Variants in TMPRSS6 observed in about 807,000 individuals in gnomAD.
TMPRSS6 encodes transmembrane serine protease 6, also known as transmembrane protease serine 6.
TMPRSS6 carries 67 observed loss-of-function variants against 101.5 expected under a neutral mutation model. The observed-to-expected ratio is 0.66, with a 90% CI of 0.54 to 0.81. The LOEUF is 0.81. TMPRSS6 is among the 30% of genes least tolerant of loss of function. The probability of loss-of-function intolerance (pLI) is 0.00; values close to 1 mark genes in which losing one functional copy is unlikely to be tolerated. For synonymous variants in TMPRSS6, 453 were observed against 464.9 expected (o/e 0.97, Z 0.33); for missense variants, 1,034 against 1,088.7 (o/e 0.95, Z 0.71).
At chr22:37,096,314 C>T (rs930151341) in intron 4 of TMPRSS6, among the ~76,000 whole-genome samples, 3 of 152,188 alleles carry the variant, frequency 2.0e-5, no homozygotes, top group Admixed American at 6.5e-5. Context: ...TAAACTATGC[C>T]GCAAGTAGCA....
chr22:37,106,624 C>T (rs969875118), intron 1 of TMPRSS6, among the ~76,000 whole-genome samples: 1 of 152,204 alleles, frequency 6.6e-6, no homozygotes, highest in Non-Finnish European at 1.5e-5. Flanking sequence ...GGTCCCCTGC[C>T]TCCATTGCGT....
chr22:37,069,084 AAG>A lies in TMPRSS6; in HGVS notation c.2100_2101del (p.Leu701AlafsTer51), dbSNP rs1926610884. 5 of 1,544,506 alleles carry A rather than the reference AAG, an allele frequency of 3.2e-6. No homozygotes were observed. The East Asian group carries it at 1.2e-4, about 38-fold the overall frequency. On this transcript the variant is annotated frameshift_variant, in exon 16 of 18. Transcript: ENST00000676104. LOFTEE classifies it high-confidence loss of function. This position sits in a 1 kb window ranked among gnomAD's most constrained non-coding sequence, Gnocchi z 4.8. ...TCCCCGCTGCTCACCGCCCTCGCGC[AAG>A]GCGCCCCAGCCCGTAATCCAGCAGT...
At position 37,073,650 on chromosome 22, in the gene TMPRSS6, G is replaced by A. The variant is rs199783566; in HGVS notation, c.1442-5C>T. The stretch of plus-strand genomic sequence containing the variant: ...ACTGGAATGTGGCTCTGCAAACTGT[G>A]TGGGGACACAGAGAGGGGACAGGTG... On this transcript the variant is annotated splice_polypyrimidine_tract_variant and splice_region_variant and intron_variant, in intron 12 of 17. Coordinates refer to ENST00000676104, the MANE Select transcript of TMPRSS6 (RefSeq NM_001374504.1). 2.0e-4 allele frequency: 326 copies of A among 1,607,140 alleles called. 3 individuals carry two copies. In the South Asian group the frequency reaches 2.1e-3, roughly 10 times the overall value.
At chr22:37,086,169 C>T in intron 8 of TMPRSS6, 114 bp downstream of exon 8, 1 of 1,441,224 alleles carries the variant, frequency 6.9e-7, no homozygotes, top group East Asian at 2.3e-5. Context: ...CAGAATCTTC[C>T]CTCTCCCCAT....
At chr22:37,077,457 C>A (rs557006307) in intron 10 of TMPRSS6, among the ~76,000 whole-genome samples, 2 of 152,240 alleles carry the variant, frequency 1.3e-5, no homozygotes, top group South Asian at 4.1e-4. Flanking sequence ...AAAGCACAGT[C>A]AGGGGACCCC....
chr22:37,105,448 A>T (rs761972868), intron 1 of TMPRSS6, among the ~76,000 whole-genome samples: 1 of 152,244 alleles, frequency 6.6e-6, no homozygotes, highest in South Asian at 2.1e-4. Context: ...CAGACCAGTA[A>T]CAGGGTGCTG....
chr22:37,077,920 C>T (rs921808936), intron 10 of TMPRSS6, among the ~76,000 whole-genome samples: 7 of 152,344 alleles, frequency 4.6e-5, no homozygotes, highest in African/African-American at 7.2e-5. Flanking sequence ...GGAGCCGCCA[C>T]CCCCGACCAT....
chr22:37,068,372 A>G (rs1926533694), intron 16 of TMPRSS6, among the ~76,000 whole-genome samples: 1 of 152,152 alleles, frequency 6.6e-6, no homozygotes, highest in Non-Finnish European at 1.5e-5. Context: ...CTGCTTCCAG[A>G]TTGTAAGTCA....
At chr22:37,070,037 A>G (rs1289368718) in intron 15 of TMPRSS6, among the ~76,000 whole-genome samples, 1 of 152,048 alleles carries the variant, frequency 6.6e-6, no homozygotes, top group African/African-American at 2.4e-5. Flanking sequence ...CACCAAGCAG[A>G]TGGGAAAGAT....
intron 2 of TMPRSS6, among the ~76,000 whole-genome samples, chr22:37,099,849 G>T (rs76630635): frequency 0.014 from 1,794 of 126,552 alleles, 40 homozygotes; most frequent in African/African-American, 0.045. Context: ...CAGCAGGAGG[G>T]TATGAGATGG....
intron 6 of TMPRSS6, among the ~76,000 whole-genome samples, chr22:37,093,533 G>C (rs975764600): frequency 1.3e-5 from 2 of 150,174 alleles, no homozygotes; most frequent in East Asian, 2.0e-4. Context: ...CTCCTGACTG[G>C]TTAGGACTAC....
chr22:37,080,731 T>C (rs948973250), intron 10 of TMPRSS6, among the ~76,000 whole-genome samples: 2 of 152,176 alleles, frequency 1.3e-5, no homozygotes, highest in Non-Finnish European at 1.5e-5. Context: ...GGACCCTTAA[T>C]GAAAGTCTGA....
In TMPRSS6 at chr22:37,070,477, C is replaced by G. The variant is rs564252746; in HGVS notation, c.1841+7G>C. 6.2e-7 allele frequency: 1 copy of G among 1,613,412 alleles called. No homozygotes were observed. Among genetic ancestry groups the G allele is most frequent in the East Asian group, 2.2e-5 (1 of 44,878 alleles). ...TACTGCCTAGGCCCCCACACCCTCC[C>G]GCTCACCTGTCCTCCTGGAAGCAGT... On this transcript the variant is annotated splice_region_variant and intron_variant, in intron 15 of 17. Coordinates refer to ENST00000676104, the MANE Select transcript of TMPRSS6 (RefSeq NM_001374504.1).
rs751582432 is a variant in TMPRSS6, at chr22:37,069,123, T to G, written c.2063A>C (p.Glu688Ala). ...VCLPARSHFF[E>A]PGLHCWITGW... The stretch of plus-strand genomic sequence containing the variant: ...CGTAATCCAGCAGTGCAGGCCGGGC[T>G]CGAAGAAGTGGGAGCGCGCGGGCAG... The change falls in exon 16 of 18, where the codon GAG becomes GCG. Residue 688 changes from glutamate to alanine, a missense_variant. Physicochemically the swap from Glu to Ala is moderately radical, Grantham distance 107. Transcript: ENST00000676104. This position sits in a 1 kb window ranked among gnomAD's most constrained non-coding sequence, Gnocchi z 4.8. 1 of 1,564,070 alleles carries G rather than the reference T, an allele frequency of 6.4e-7. No individual in the cohort carries two copies. Among genetic ancestry groups the G allele is most frequent in the Non-Finnish European group, 8.6e-7 (1 of 1,157,162 alleles).
rs1383862914 is a variant in TMPRSS6, at chr22:37,096,500, G to A, written c.404+148C>T. ...TACAGATGAGCCCAGTGAAGGGAGGGTGACATGCAGGAAGCCAAGTTCCCT... is the reference window on the plus strand; with the variant it reads ...TACAGATGAGCCCAGTGAAGGGAGGATGACATGCAGGAAGCCAAGTTCCCT... On this transcript the variant is annotated intron_variant, in intron 4 of 17. Transcript: ENST00000676104. 3 of 845,822 alleles carry A rather than the reference G, an allele frequency of 3.5e-6. No homozygotes were observed. In the East Asian group the frequency reaches 8.0e-5, roughly 23 times the overall value. 52.4% of individuals were successfully genotyped at this position (845,822 alleles called of 1,614,324 possible). A position where few individuals can be genotyped will look rare whatever the true frequency, so the allele number is the denominator to read the frequency against.
At position 37,069,012 on chromosome 22, in the gene TMPRSS6, T is replaced by C; in HGVS notation, c.2113+61A>G. 3.3e-6 allele frequency: 5 copies of C among 1,527,944 alleles called. No individual in the cohort carries two copies. Among genetic ancestry groups the C allele is most frequent in the Non-Finnish European group, 4.4e-6 (5 of 1,143,396 alleles). 94.6% of individuals were successfully genotyped at this position (1,527,944 alleles called of 1,614,324 possible). On this transcript the variant is annotated intron_variant, in intron 16 of 17. Transcript: ENST00000676104. The surrounding 1 kb of genome is among the most constrained non-coding windows in gnomAD (Gnocchi z 4.8). ...CAGCCCCGCCCTTCTCCAGGCCAGG[T>C]GTTACGGCGCAGATCCGCACGGTCT...
At position 37,070,524 on chromosome 22, in the gene TMPRSS6, G is replaced by A. The variant is rs758237786; in HGVS notation, c.1801C>T (p.Arg601Cys). The change falls in exon 15 of 18, where the codon CGC becomes TGC. Residue 601 changes from arginine to cysteine, a missense_variant. Arg to Cys is a radical substitution (Grantham distance 180). Coordinates refer to ENST00000676104, the MANE Select transcript of TMPRSS6 (RefSeq NM_001374504.1). The part of the protein sequence containing the change: ...HICGGALIAD[R>C]WVITAAHCFQ... ...CAGTGGGCAGCTGTTATCACCCAGC[G>A]GTCAGCGATGAGGGCCCCCCCACAG... 8.1e-6 allele frequency: 13 copies of A among 1,613,304 alleles called. No individual in the cohort carries two copies. The African/African-American group carries it at 9.3e-5, about 12-fold the overall frequency.
chr22:37,095,437 G>C (rs1392895027), intron 6 of TMPRSS6, 114 bp downstream of exon 6: 16 of 1,360,236 alleles, frequency 1.2e-5, no homozygotes, highest in Non-Finnish European at 3.1e-6. Context: ...GGTGACTCTT[G>C]GCCAGGGCTC....
At position 37,101,378 on chromosome 22, in the gene TMPRSS6, T is replaced by C. The variant is rs1930298201; in HGVS notation, c.202+1838A>G. On this transcript the variant is annotated intron_variant, in intron 2 of 17. Coordinates refer to ENST00000676104, the MANE Select transcript of TMPRSS6 (RefSeq NM_001374504.1). The surrounding 1 kb of genome is among the most constrained non-coding windows in gnomAD (Gnocchi z 4.1). ...GGAAAGGGAAAGGACCCAGGAAATA[T>C]GGTTGGTGGTATTAAGGGTCCTGCT... Among the ~76,000 whole-genome samples, 1 of 151,922 alleles carries C rather than the reference T, an allele frequency of 6.6e-6. No homozygotes were observed. The highest frequency in any genetic ancestry group is 6.6e-5 in the Admixed American group (1 of 15,260).
Sources: gnomAD v4.1 joint callset for allele counts (sites outside exome capture counted in the v4.1 genomes callset) on GRCh38, gnomAD v4.1.1 for gene constraint, Gnocchi (gnomAD v3.1) non-coding constraint, MANE v1.5 for transcripts, NCBI Gene and HGNC (gene_info 2026-07-23, HGNC 2026-07-21) for gene names.